Variants in SELP observed in about 807,000 individuals in gnomAD.
SELP encodes selectin P.
Under a neutral mutation model 104.1 loss-of-function variants are expected in SELP, and 92 were observed. The ratio of observed to expected loss-of-function variants is 0.88; its 90% CI spans 0.75 to 1.05. The LOEUF (loss-of-function observed/expected upper bound fraction) is 1.05. Among genes scored for constraint, SELP ranks in the 50% least tolerant of loss-of-function variants. The probability of loss-of-function intolerance (pLI) is 0.00; values close to 1 mark genes in which losing one functional copy is unlikely to be tolerated. For missense variants in SELP, 1,022 were observed against 1,017.3 expected (o/e 1.00, Z -0.06); for synonymous variants, 397 against 364.5 (o/e 1.09, Z -1.01).
chr1:169,629,165 T>C (rs528839707), intron 1 of SELP, among the ~76,000 whole-genome samples: 1 of 152,322 alleles, frequency 6.6e-6, no homozygotes, highest in African/African-American at 2.4e-5. Context: ...TCTAGGTGCA[T>C]ATAACATTGC....
Position 169,612,827 on chromosome 1 carries a change from T to G in SELP, c.775+102A>C. ...ACCAGAGTTTTCCATCTAACCTAGATGGTCATTATTTCTCACATTTTTTAA... is the reference window on the plus strand; with the variant it reads ...ACCAGAGTTTTCCATCTAACCTAGAGGGTCATTATTTCTCACATTTTTTAA... On this transcript the variant is annotated intron_variant, in intron 5 of 16. Transcript: ENST00000263686. 3.1e-6 allele frequency: 3 copies of G among 961,688 alleles called. No homozygotes were observed. The African/African-American group carries it at 4.9e-5, about 16-fold the overall frequency. The allele number at this position is 961,688 out of a possible 1,614,324, so 59.6% of individuals were successfully genotyped here.
chr1:169,612,973 C>T lies in SELP; in HGVS notation c.731G>A (p.Cys244Tyr). The change falls in exon 5 of 17, where the codon TGC becomes TAC. Residue 244 changes from cysteine to tyrosine, a missense_variant. Cys to Tyr is a radical substitution (Grantham distance 194). Coordinates refer to ENST00000263686, the MANE Select transcript of SELP (RefSeq NM_003005.4). ...ATTTGTCCAGATTCCAGAAGCCAAG[C>T]ATTCCAGCTTGCTGGGCCCATTTAC... The part of the protein sequence containing the change: ...YQVNGPSKLE[C>Y]LASGIWTNKP... 1 of 1,613,276 alleles carries T rather than the reference C, an allele frequency of 6.2e-7. No homozygotes were observed. Among genetic ancestry groups the T allele is most frequent in the African/African-American group, 1.3e-5 (1 of 75,030 alleles).
At chr1:169,624,888 G>A (rs756453353) in intron 1 of SELP, among the ~76,000 whole-genome samples, 4 of 152,300 alleles carry the variant, frequency 2.6e-5, no homozygotes, top group Middle Eastern at 6.8e-3. Context: ...GGCTTGCCAC[G>A]TTCCAGGTGG....
rs567375798 is a variant in SELP, at chr1:169,603,296, CCTCT to C, written c.1520-89_1520-86del. 4.5e-4 allele frequency: 307 copies of C among 676,098 alleles called. 1 individual carries two copies. The highest frequency in any genetic ancestry group is 4.8e-4 in the Admixed American group (13 of 27,156). The allele number at this position is 676,098 out of a possible 1,614,324, so 41.9% of individuals were successfully genotyped here. A position where few individuals can be genotyped will look rare whatever the true frequency, so the allele number is the denominator to read the frequency against. On this transcript the variant is annotated intron_variant, in intron 9 of 16. Transcript: ENST00000263686. Reference sequence around the variant, plus strand: ...CTCTGTAACTCTCTCTCTCTTTCTCCCTCTCTCTCTCTGTGTGTGTGTGTGTGTG... The same window carrying C: ...CTCTGTAACTCTCTCTCTCTTTCTCCCTCTCTCTGTGTGTGTGTGTGTGTG...
rs1006954310 is a variant in SELP at position 169,603,219 on chromosome 1, G to A, written c.1520-8C>T. 6.2e-7 allele frequency: 1 copy of A among 1,605,872 alleles called. No homozygotes were observed. The highest frequency in any genetic ancestry group is 8.5e-7 in the Non-Finnish European group (1 of 1,173,734). The stretch of plus-strand genomic sequence containing the variant: ...AAGGTGTGCAGGGAATGGCTATCAT[G>A]GGCATGGCAGAGGAGAAAAGAAGAG... On this transcript the variant is annotated splice_region_variant and splice_polypyrimidine_tract_variant and intron_variant, in intron 9 of 16. Coordinates refer to ENST00000263686, the MANE Select transcript of SELP (RefSeq NM_003005.4).
chr1:169,590,561 G>T (rs1219270234), intron 15 of SELP, among the ~76,000 whole-genome samples: 1 of 123,752 alleles, frequency 8.1e-6, no homozygotes, highest in African/African-American at 3.6e-5. Context: ...TGACCCCTAG[G>T]GGTGTTTTTT....
At chr1:169,605,329 G>A (rs1571641647) in intron 9 of SELP, among the ~76,000 whole-genome samples, 1 of 152,322 alleles carries the variant, frequency 6.6e-6, no homozygotes, top group African/African-American at 2.4e-5. Context: ...CTCTGAAGGT[G>A]CACCCAACCC....
chr1:169,613,712 G>A lies in SELP; in HGVS notation c.482-19C>T, dbSNP rs747195657. 1.9e-6 allele frequency: 3 copies of A among 1,602,500 alleles called. No homozygotes were observed. The highest frequency in any genetic ancestry group is 1.3e-5 in the African/African-American group (1 of 74,702). On this transcript the variant is annotated intron_variant, in intron 3 of 16. Transcript: ENST00000263686. Reference sequence around the variant, plus strand: ...CAGGAGGCTGCATAGATATGGAAAGGTCAGAGTCATGGACATTCACAGATG... The same window carrying A: ...CAGGAGGCTGCATAGATATGGAAAGATCAGAGTCATGGACATTCACAGATG...
chr1:169,621,247 T>TGTGTG (rs1663116321), intron 1 of SELP, among the ~76,000 whole-genome samples: 2 of 63,932 alleles, frequency 3.1e-5, no homozygotes, highest in South Asian at 6.1e-4. Context: ...GTGTGTGTGT[T>TGTGTG]TGTGTCACAC....
chr1:169,626,561 A>G (rs1485848171), intron 1 of SELP, among the ~76,000 whole-genome samples: 3 of 152,260 alleles, frequency 2.0e-5, no homozygotes, highest in African/African-American at 7.2e-5. Context: ...AGCCTGCTGA[A>G]GATTGGGAGA....
At chr1:169,613,717 A>T in intron 3 of SELP, 24 bp from the exon 4 acceptor site, 21 of 1,588,322 alleles carry the variant, frequency 1.3e-5, no homozygotes, top group Non-Finnish European at 1.8e-5. Flanking sequence ...GAAAGGTCAG[A>T]GTCATGGACA....
chr1:169,609,954 G>GC (rs144259736), intron 7 of SELP, among the ~76,000 whole-genome samples: 15 of 151,996 alleles, frequency 9.9e-5, no homozygotes, highest in Non-Finnish European at 1.9e-4. Context: ...AAGGGTAGAA[G>GC]CCCCTGCAAT....
chr1:169,617,352 A>G lies in SELP; in HGVS notation c.157T>C (p.Trp53Arg), dbSNP rs371692416. The G allele has an allele frequency of 1.2e-6, 2 of 1,614,114 alleles. No homozygotes were observed. The highest frequency in any genetic ancestry group is 1.7e-6 in the Non-Finnish European group (2 of 1,179,992). Residue 53 changes from tryptophan to arginine, a missense_variant, in exon 3 of 17, where the codon TGG becomes CGG. Physicochemically the swap from Trp to Arg is moderately radical, Grantham distance 101. Transcript: ENST00000263686. ...TYHYSTKAYS[W>R]NISRKYCQNR... ...TGGCAGTATTTACGGGAAATATTCC[A>G]TGAGTATGCTTTTGTGCTGTAATGA... is the stretch of plus-strand genomic sequence containing the variant.
chr1:169,620,776 T>C (rs1487042226), intron 1 of SELP, among the ~76,000 whole-genome samples: 2 of 149,110 alleles, frequency 1.3e-5, no homozygotes, highest in Non-Finnish European at 3.0e-5. Flanking sequence ...TGATGTAGGG[T>C]GCATGGGACG....
chr1:169,606,643 A>G (rs975572422), intron 9 of SELP, among the ~76,000 whole-genome samples: 8 of 152,034 alleles, frequency 5.3e-5, no homozygotes, highest in Non-Finnish European at 1.0e-4. Context: ...TGGCCAGGTG[A>G]GAAGAGTTTA....
intron 1 of SELP, among the ~76,000 whole-genome samples, chr1:169,627,443 C>T (rs891058266): frequency 3.3e-5 from 5 of 152,036 alleles, no homozygotes; most frequent in African/African-American, 7.3e-5. Context: ...AAATAAAGTA[C>T]GACACTTAAA....
In SELP at chr1:169,591,418, T is replaced by C; in HGVS notation, c.2438+8A>G. ...AATTTACTCAATCATAAAACATTTC[T>C]ACCTTACCTGTGAGGATTCAAGGGG... On this transcript the variant is annotated splice_region_variant and intron_variant, in intron 15 of 16. Transcript: ENST00000263686. 6.3e-7 allele frequency: 1 copy of C among 1,576,786 alleles called. No individual in the cohort carries two copies. The highest frequency in any genetic ancestry group is 8.6e-7 in the Non-Finnish European group (1 of 1,158,882).
At chr1:169,595,516 C>A (rs182528596) in intron 12 of SELP, among the ~76,000 whole-genome samples, 56 of 152,218 alleles carry the variant, frequency 3.7e-4, no homozygotes, top group African/African-American at 5.5e-4. Context: ...GGCGATAGCT[C>A]TTCAGGAAAT....
At chr1:169,625,639 A>G (rs889379013) in intron 1 of SELP, among the ~76,000 whole-genome samples, 2 of 152,264 alleles carry the variant, frequency 1.3e-5, no homozygotes, top group African/African-American at 4.8e-5. Flanking sequence ...TCAATACTCA[A>G]TAAACATTTT....
Sources: gnomAD v4.1 joint callset for allele counts (sites outside exome capture counted in the v4.1 genomes callset) on GRCh38, gnomAD v4.1.1 for gene constraint, MANE v1.5 for transcripts, NCBI Gene and HGNC (gene_info 2026-07-23, HGNC 2026-07-21) for gene names.